Variants in SEMA4B observed in about 807,000 individuals in gnomAD.
The protein encoded by SEMA4B is semaphorin 4B.
Under a neutral mutation model 88.1 loss-of-function variants are expected in SEMA4B, and 55 were observed. That is an observed-to-expected ratio of 0.62 (90% CI 0.50 to 0.78). SEMA4B has a LOEUF of 0.78. Ranked by LOEUF, SEMA4B falls within the 30% of genes least tolerant of loss-of-function variation. The probability of loss-of-function intolerance (pLI) is 0.00; values close to 1 mark genes in which losing one functional copy is unlikely to be tolerated. For synonymous variants in SEMA4B, 525 were observed against 473.6 expected, an observed-to-expected ratio of 1.11 and a Z score of -1.41; for missense variants, 1,062 against 1,111.9, an observed-to-expected ratio of 0.96 and a Z score of 0.64.
upstream of SEMA4B, among the ~76,000 whole-genome samples, chr15:90,201,092 C>G (rs938718197): frequency 1.3e-5 from 2 of 152,178 alleles, no homozygotes; most frequent in African/African-American, 4.8e-5. Flanking sequence ...CGGAAGGGGC[C>G]AGGGCCTGGG....
intron 1 of SEMA4B, among the ~76,000 whole-genome samples, chr15:90,195,889 C>T (rs542600192): frequency 1.3e-5 from 2 of 150,440 alleles, no homozygotes; most frequent in African/African-American, 2.5e-5. Context: ...GGATTCCAGG[C>T]GTGAGCTGCT....
intron 1 of SEMA4B, chr15:90,206,787 A>G (rs2151600161): frequency 2.7e-6 from 2 of 748,520 alleles, no homozygotes; most frequent in Middle Eastern, 3.8e-4. Context: ...GCTGAGCACC[A>G]AATCAACCTA....
At chr15:90,197,848 C>A (rs1280480343), upstream of SEMA4B, among the ~76,000 whole-genome samples, 1 of 152,010 alleles carries the variant, frequency 6.6e-6, no homozygotes, top group Non-Finnish European at 1.5e-5. Context: ...ATAATAGAAT[C>A]AGTTTTCAAC....
At chr15:90,201,797 G>T in intron 1 of SEMA4B, 62 bp downstream of exon 1, 1 of 1,355,696 alleles carries the variant, frequency 7.4e-7, no homozygotes, top group Non-Finnish European at 9.5e-7. Flanking sequence ...GACGTGCCTC[G>T]TGCGGAGGTG....
intron 1 of SEMA4B, among the ~76,000 whole-genome samples, chr15:90,185,970 A>G (rs1185404246): frequency 3.6e-5 from 4 of 110,946 alleles, no homozygotes; most frequent in South Asian, 3.0e-4. Context: ...GTCTTGCTCT[A>G]TCCTCCAGGC....
intron 1 of SEMA4B, among the ~76,000 whole-genome samples, chr15:90,188,125 C>G (rs1431244951): frequency 2.0e-5 from 3 of 150,196 alleles, no homozygotes; most frequent in Non-Finnish European, 4.4e-5. Flanking sequence ...TCGAGACCAG[C>G]CTGGGCAACA....
In SEMA4B at chr15:90,228,053, G is replaced by A; in HGVS notation, c.1924G>A (p.Asp642Asn). The change falls in exon 14 of 14, where the codon GAC becomes AAC. Residue 642 changes from aspartate (D) to asparagine (N), a missense_variant. Physicochemically the swap from Asp to Asn is conservative, Grantham distance 23. Transcript: ENST00000411539. The part of the protein sequence containing the change: ...SASCHVLPTG[D>N]LLLVGTQQLG... ...CTCCTGCCACGTGCTACCCACTGGG[G>A]ACCTGCTGCTGGTGGGCACCCAACA... 4 of 1,613,824 alleles carry A rather than the reference G, an allele frequency of 2.5e-6. No individual in the cohort carries two copies. The highest frequency in any genetic ancestry group is 2.2e-5 in the East Asian group (1 of 44,880).
chr15:90,213,526 C>A (rs954110203), intron 1 of SEMA4B, among the ~76,000 whole-genome samples: 1 of 152,250 alleles, frequency 6.6e-6, no homozygotes, highest in South Asian at 2.1e-4. Flanking sequence ...ACTGGCTGGT[C>A]TATAGGTTTC....
At chr15:90,216,214 A>G (rs554340564) in intron 1 of SEMA4B, among the ~76,000 whole-genome samples, 1 of 152,140 alleles carries the variant, frequency 6.6e-6, no homozygotes, top group Non-Finnish European at 1.5e-5. Flanking sequence ...TCTCGAACTC[A>G]GGTGATCCAC....
chr15:90,185,165 C>T (rs1960126539), intron 1 of SEMA4B: 1 of 769,138 alleles, frequency 1.3e-6, no homozygotes, highest in Non-Finnish European at 1.6e-6. Context: ...CAGCCGCTGC[C>T]CCCACCCTTG....
At position 90,212,905 on chromosome 15, in the gene SEMA4B, G is replaced by A. The variant is rs921362565; in HGVS notation, c.158-4534G>A. ...AGTTAGAATCGCCCAGGCTAAGTTC[G>A]TGAACCCCCTGGATGAGGGAGGCCC... is the stretch of plus-strand genomic sequence containing the variant. On this transcript the variant is annotated intron_variant, in intron 1 of 13. Coordinates refer to ENST00000411539, the MANE Select transcript of SEMA4B (RefSeq NM_198925.4). The surrounding 1 kb of genome is among the most constrained non-coding windows in gnomAD (Gnocchi z 4.0). Among the ~76,000 whole-genome samples the A allele has an allele frequency of 7.2e-5, 11 of 152,168 alleles. No individual in the cohort carries two copies. The highest frequency in any genetic ancestry group is 1.9e-4 in the African/African-American group (8 of 41,450).
In SEMA4B at chr15:90,221,809, A is replaced by T. The variant is rs8029653; in HGVS notation, c.861+44A>T. 2,313 of 1,594,074 alleles carry T rather than the reference A, an allele frequency of 1.5e-3. 28 individuals are homozygous for T. The African/African-American group carries it at 0.025, about 17-fold the overall frequency. ...CAGGGTGGCCACCCCAGGGACCTCA[A>T]AGCCTCCACAGCTGCAAGATCACCC... On this transcript the variant is annotated intron_variant, in intron 7 of 13. Coordinates refer to ENST00000411539, the MANE Select transcript of SEMA4B (RefSeq NM_198925.4).
intron 1 of SEMA4B, among the ~76,000 whole-genome samples, chr15:90,215,208 G>A (rs1018686567): frequency 7.4e-6 from 1 of 134,380 alleles, no homozygotes; most frequent in East Asian, 2.3e-4. Flanking sequence ...TGGTGGGTAA[G>A]TGTGTGTGTG....
At chr15:90,199,727 G>A (rs1310844230), upstream of SEMA4B, among the ~76,000 whole-genome samples, 8 of 152,152 alleles carry the variant, frequency 5.3e-5, no homozygotes, top group African/African-American at 1.7e-4. Context: ...TCGGGAGGCT[G>A]AGGCAGGAGA....
intron 1 of SEMA4B, among the ~76,000 whole-genome samples, chr15:90,208,226 C>A (rs1406199766): frequency 6.6e-6 from 1 of 151,404 alleles, no homozygotes; most frequent in African/African-American, 2.4e-5. Flanking sequence ...TGCACTCCAG[C>A]CTGGAAGACA....
intron 1 of SEMA4B, among the ~76,000 whole-genome samples, chr15:90,187,398 G>C (rs1960196822): frequency 6.6e-6 from 1 of 152,192 alleles, no homozygotes. Context: ...CATTTGCTGG[G>C]TACCTGCTGT....
At chr15:90,206,031 C>A (rs1055422715) in intron 1 of SEMA4B, among the ~76,000 whole-genome samples, 1 of 152,214 alleles carries the variant, frequency 6.6e-6, no homozygotes, top group Non-Finnish European at 1.5e-5. Flanking sequence ...CTGTGCCAAC[C>A]CAGGAGAGCG....
At chr15:90,198,560 T>C (rs544476318), upstream of SEMA4B, among the ~76,000 whole-genome samples, 2 of 152,228 alleles carry the variant, frequency 1.3e-5, no homozygotes, top group African/African-American at 4.8e-5. Flanking sequence ...AGGGGCATAT[T>C]AGGAGGAAGT....
chr15:90,207,033 T>C (rs73477809), intron 1 of SEMA4B: 13,124 of 383,728 alleles, frequency 0.034, 1,487 homozygotes, highest in African/African-American at 0.25. Flanking sequence ...TCTATACTTA[T>C]TAGCTCACCA....
Sources: allele counts gnomAD v4.1 joint callset (sites outside exome capture counted in the v4.1 genomes callset), GRCh38; gene constraint gnomAD v4.1.1; non-coding constraint Gnocchi (gnomAD v3.1); transcripts MANE v1.5; gene names NCBI Gene and HGNC (gene_info 2026-07-23, HGNC 2026-07-21).